PAK4: variants seen among roughly 807,000 people sequenced by gnomAD.
PAK4 encodes p21 (RAC1) activated kinase 4, also known as serine/threonine-protein kinase PAK 4.
PAK4 carries 49 observed loss-of-function variants against 53.5 expected under a neutral mutation model. The observed-to-expected ratio is 0.92, with a 90% CI of 0.73 to 1.16. The LOEUF is 1.16. PAK4 is among the 50% of genes most tolerant of loss of function. The probability of loss-of-function intolerance (pLI) is 0.00; values close to 1 mark genes in which losing one functional copy is unlikely to be tolerated. For synonymous variants in PAK4, 376 were observed against 375.6 expected, an observed-to-expected ratio of 1.00 and a Z score of -0.01; for missense variants, 824 against 850.7, an observed-to-expected ratio of 0.97 and a Z score of 0.39.
chr19:39,142,067 C>G (rs961069762), intron 1 of PAK4, among the ~76,000 whole-genome samples: 1 of 152,192 alleles, frequency 6.6e-6, no homozygotes, highest in Admixed American at 6.5e-5. Flanking sequence ...GCCTTGACCT[C>G]CCCTGCTCAA....
intron 1 of PAK4, among the ~76,000 whole-genome samples, chr19:39,152,750 C>A (rs1426863874): frequency 6.8e-6 from 1 of 147,378 alleles, no homozygotes; most frequent in South Asian, 2.2e-4. Context: ...TGATGGCAAT[C>A]GGGTTCAATG....
intron 1 of PAK4, among the ~76,000 whole-genome samples, chr19:39,153,281 C>T (rs1382742460): frequency 6.6e-6 from 1 of 152,098 alleles, no homozygotes; most frequent in East Asian, 1.9e-4. Context: ...TTTTTTGAGA[C>T]AGAGTCCCAC....
intron 1 of PAK4, among the ~76,000 whole-genome samples, chr19:39,149,250 C>G (rs1318817279): frequency 1.3e-5 from 2 of 152,104 alleles, no homozygotes; most frequent in Admixed American, 1.3e-4. Context: ...AGCTCCGTGT[C>G]CATCAGTGGA....
chr19:39,136,029 C>T (rs1316775967), intron 1 of PAK4, among the ~76,000 whole-genome samples: 8 of 122,666 alleles, frequency 6.5e-5, no homozygotes, highest in African/African-American at 1.5e-4. Context: ...CCCCCTTCCT[C>T]GCCACCCCCT....
downstream of PAK4, chr19:39,180,150 A>G (rs2074685593): frequency 1.3e-5 from 2 of 152,176 alleles, no homozygotes; most frequent in Admixed American, 6.6e-5. Context: ...CACGCCTCCC[A>G]CCCTTCACAG....
chr19:39,141,636 TTTTGTTGTTGTTG>T (rs2073911184), intron 1 of PAK4, among the ~76,000 whole-genome samples: 2 of 148,106 alleles, frequency 1.4e-5, no homozygotes, highest in African/African-American at 5.0e-5. Context: ...TTCATTTGTT[TTTTGTTGTTGTTG>T]TTTGAGACAG....
chr19:39,148,076 C>G (rs576388871), intron 1 of PAK4, among the ~76,000 whole-genome samples: 5 of 151,394 alleles, frequency 3.3e-5, no homozygotes, highest in African/African-American at 7.3e-5. Flanking sequence ...CTCAGCCTCC[C>G]GAGTAGCTGG....
intron 1 of PAK4, among the ~76,000 whole-genome samples, chr19:39,148,686 A>G (rs2074046531): frequency 6.7e-6 from 1 of 148,732 alleles, no homozygotes; most frequent in Non-Finnish European, 1.5e-5. Flanking sequence ...TGAACTCCTG[A>G]CCTCGTGATC....
At chr19:39,133,852 G>T (rs1317411016) in intron 1 of PAK4, among the ~76,000 whole-genome samples, 2 of 152,214 alleles carry the variant, frequency 1.3e-5, no homozygotes, top group African/African-American at 4.8e-5. Context: ...GCGGAAGGCG[G>T]CCGGTCTTCC....
At chr19:39,130,048 A>G (rs1309921832) in intron 1 of PAK4, among the ~76,000 whole-genome samples, 1 of 125,174 alleles carries the variant, frequency 8.0e-6, no homozygotes, top group African/African-American at 2.7e-5. Flanking sequence ...CAGAGAGGCC[A>G]GGGCTGTGAA....
At position 39,141,106 on chromosome 19, in the gene PAK4, A is replaced by G. The variant is rs545853893; in HGVS notation, c.-23+15187A>G. On this transcript the variant is annotated intron_variant, in intron 1 of 8. Coordinates refer to ENST00000358301, the Ensembl canonical transcript of PAK4. ...ACCTTTGTATTATGGAAATGTTCAC[A>G]CATACCCAGAAGAATAGTCTCGCGC... Among the ~76,000 whole-genome samples the G allele has an allele frequency of 5.9e-5, 9 of 152,294 alleles. No individual in the cohort carries two copies. The East Asian group carries it at 9.7e-4, about 16-fold the overall frequency.
chr19:39,126,200 C>T (rs574366283), intron 1 of PAK4, among the ~76,000 whole-genome samples: 220 of 152,108 alleles, frequency 1.4e-3, no homozygotes, highest in African/African-American at 5.1e-3. Flanking sequence ...AAGGCAGGGT[C>T]AAAGTTAATA....
exon 4 of PAK4, chr19:39,174,006 A>C: frequency 6.3e-7 from 1 of 1,585,412 alleles, no homozygotes; most frequent in Non-Finnish European, 8.6e-7. Context: ...CTGCTCTTCA[A>C]CGAGGTGCGG....
intron 1 of PAK4, among the ~76,000 whole-genome samples, chr19:39,144,579 A>T (rs2073969243): frequency 6.6e-6 from 1 of 152,078 alleles, no homozygotes; most frequent in Admixed American, 6.6e-5. Context: ...TTTCCTGGGG[A>T]CTGGGATTGG....
At chr19:39,172,292 C>T (rs968236400) in intron 2 of PAK4, among the ~76,000 whole-genome samples, 16 of 152,272 alleles carry the variant, frequency 1.1e-4, no homozygotes, top group South Asian at 4.1e-4. Flanking sequence ...CTGCAGGACA[C>T]GACTCAGACC....
At chr19:39,176,796 G>A in intron 7 of PAK4, 81 bp downstream of exon 8, 3 of 1,539,958 alleles carry the variant, frequency 1.9e-6, no homozygotes, top group Non-Finnish European at 2.6e-6. Flanking sequence ...GCGGGAGATG[G>A]GGCCCAGTCT....
chr19:39,150,627 C>T (rs977864535), intron 1 of PAK4, among the ~76,000 whole-genome samples: 5 of 152,144 alleles, frequency 3.3e-5, no homozygotes, highest in African/African-American at 1.2e-4. Flanking sequence ...GAGTGGCTCC[C>T]ACCTGTAATC....
downstream of PAK4, chr19:39,179,419 G>A (rs1290123897): frequency 1.5e-5 from 2 of 135,716 alleles, no homozygotes; most frequent in African/African-American, 5.1e-5. Context: ...TGTGTGCGAT[G>A]TGTGGGGGGC....
rs556164665 is a variant in PAK4, at chr19:39,171,323, C to T, written c.204+1566C>T. On this transcript the variant is annotated intron_variant, in intron 2 of 8. Coordinates refer to ENST00000358301, the Ensembl canonical transcript of PAK4. ...TCCTGGGTTCAAGCGATTTTCCTGC[C>T]TCAGCCTCCCGCGTAGCTGGGATTA... Among the ~76,000 whole-genome samples, 4 of 152,256 alleles carry T rather than the reference C, an allele frequency of 2.6e-5. No homozygotes were observed. The South Asian group carries it at 8.3e-4, about 32-fold the overall frequency.
Sources: allele counts gnomAD v4.1 joint callset (sites outside exome capture counted in the v4.1 genomes callset), GRCh38; gene constraint gnomAD v4.1.1; transcripts MANE v1.5; gene names NCBI Gene and HGNC (gene_info 2026-07-23, HGNC 2026-07-21).